The following PHACTR2 variants were observed in gnomAD, a reference collection of about 807,000 sequenced individuals.
The protein encoded by PHACTR2 is phosphatase and actin regulator 2.
Under a neutral mutation model 76.0 loss-of-function variants are expected in PHACTR2, and 30 were observed. The ratio of observed to expected loss-of-function variants is 0.39; its 90% CI spans 0.30 to 0.54. The LOEUF is 0.54. PHACTR2 is among the 20% of genes least tolerant of loss of function. The pLI, the probability that PHACTR2 is intolerant of heterozygous loss-of-function variation, is 0.61. For synonymous variants in PHACTR2, 292 were observed against 292.5 expected (o/e 1.00, Z 0.02); for missense variants, 696 against 781.1 (o/e 0.89, Z 1.30).
Position 143,678,226 on chromosome 6 carries a change from C to A in PHACTR2, c.46+17C>A, listed in dbSNP as rs1458164397. Reference sequence around the variant, plus strand: ...CCGGCAGCGGTGAGTCCGGGGCGCACGCGATGCGCTCCCGCCGCGCGGGCG... The same window carrying A: ...CCGGCAGCGGTGAGTCCGGGGCGCAAGCGATGCGCTCCCGCCGCGCGGGCG... On this transcript the variant is annotated intron_variant, in intron 1 of 12. Coordinates refer to ENST00000440869, the MANE Select transcript of PHACTR2 (RefSeq NM_001100164.2). This position sits in a 1 kb window ranked among gnomAD's most constrained non-coding sequence, Gnocchi z 6.2. The A allele has an allele frequency of 6.7e-6, 10 of 1,490,072 alleles. No individual in the cohort carries two copies. Among genetic ancestry groups the A allele is most frequent in the Admixed American group, 4.8e-5 (2 of 41,960 alleles). 92.3% of individuals were successfully genotyped at this position (1,490,072 alleles called of 1,614,324 possible).
chr6:143,670,389 G>T (rs1202202555), intron 1 of PHACTR2, among the ~76,000 whole-genome samples: 1 of 152,202 alleles, frequency 6.6e-6, no homozygotes, highest in African/African-American at 2.4e-5. Flanking sequence ...ATGTTGGCGT[G>T]TCTTGTTAGG....
intron 1 of PHACTR2, among the ~76,000 whole-genome samples, chr6:143,666,745 T>C (rs1362425250): frequency 6.6e-6 from 1 of 152,230 alleles, no homozygotes. Flanking sequence ...TCTTGTAAAT[T>C]TGTTTAAGAT....
rs1781129513 is a variant in PHACTR2 at position 143,537,549 on chromosome 6, G to A, written c.217+342G>A. On this transcript the variant is annotated intron_variant, in intron 1 of 11. Transcript: ENST00000367584. This position sits in a 1 kb window ranked among gnomAD's most constrained non-coding sequence, Gnocchi z 4.4. ...GCTTCCGAGGCTTTTCCATCAGAAA[G>A]AGGAACATTCTCGGTCTTCGGCGCG... Among the ~76,000 whole-genome samples the A allele has an allele frequency of 6.6e-6, 1 of 152,186 alleles. No individual in the cohort carries two copies. The highest frequency in any genetic ancestry group is 6.5e-5 in the Admixed American group (1 of 15,290).
At chr6:143,732,891 G>GATTT (rs1157093067) in intron 2 of PHACTR2, among the ~76,000 whole-genome samples, 1 of 151,794 alleles carries the variant, frequency 6.6e-6, no homozygotes, top group East Asian at 1.9e-4. Flanking sequence ...TTTCTTTTCT[G>GATTT]ATTTATTTAT....
intron 1 of PHACTR2, among the ~76,000 whole-genome samples, chr6:143,563,331 G>A (rs28479556): frequency 0.24 from 36,656 of 151,568 alleles, 4,562 homozygotes; most frequent in South Asian, 0.39. Context: ...TTGAGAGGCC[G>A]AGGTGGGTGG....
In PHACTR2 at chr6:143,774,876, A is replaced by T. The variant is rs976196791; in HGVS notation, c.1589+661A>T. On this transcript the variant is annotated intron_variant, in intron 8 of 12. Transcript: ENST00000440869. The surrounding 1 kb of genome is among the most constrained non-coding windows in gnomAD (Gnocchi z 5.4). Reference sequence around the variant, plus strand: ...TTTTGCTTTTGCCACTGGTGACTTTACAAGTCCCTTTAACTGGCAGTTTTA... The same window carrying T: ...TTTTGCTTTTGCCACTGGTGACTTTTCAAGTCCCTTTAACTGGCAGTTTTA... Among the ~76,000 whole-genome samples the T allele has an allele frequency of 1.3e-5, 2 of 152,202 alleles. No individual in the cohort carries two copies. The highest frequency in any genetic ancestry group is 1.5e-5 in the Non-Finnish European group (1 of 68,038).
chr6:143,562,698 C>T lies in PHACTR2; in HGVS notation c.217+25491C>T, dbSNP rs1467150218. Among the ~76,000 whole-genome samples the T allele has an allele frequency of 2.0e-5, 3 of 152,084 alleles. No homozygotes were observed. The highest frequency in any genetic ancestry group is 7.2e-5 in the African/African-American group (3 of 41,386). On this transcript the variant is annotated intron_variant, in intron 1 of 11. Transcript: ENST00000367584. This position sits in a 1 kb window ranked among gnomAD's most constrained non-coding sequence, Gnocchi z 5.1. Reference sequence around the variant, plus strand: ...ACTCTCATTGTGAAAGAAAAAAGCACATTAAAGAACATATCTAAGGCATTG... The same window carrying T: ...ACTCTCATTGTGAAAGAAAAAAGCATATTAAAGAACATATCTAAGGCATTG...
intron 2 of PHACTR2, among the ~76,000 whole-genome samples, chr6:143,723,043 T>G (rs1045502943): frequency 5.3e-5 from 8 of 152,224 alleles, no homozygotes; most frequent in African/African-American, 1.9e-4. Context: ...GACACTTAGG[T>G]TGATTCTATG....
intron 2 of PHACTR2, among the ~76,000 whole-genome samples, chr6:143,720,594 G>A (rs550637318): frequency 6.5e-4 from 99 of 152,196 alleles, no homozygotes; most frequent in African/African-American, 2.0e-3. Context: ...TCACATTCAC[G>A]AACCTCATGG....
chr6:143,642,816 C>T (rs1306863614), intron 1 of PHACTR2, among the ~76,000 whole-genome samples: 1 of 152,186 alleles, frequency 6.6e-6, no homozygotes, highest in Non-Finnish European at 1.5e-5. Context: ...GGAACAGATT[C>T]TCCCTCACAG....
intron 9 of PHACTR2, among the ~76,000 whole-genome samples, chr6:143,779,943 T>C (rs944213191): frequency 1.1e-4 from 16 of 139,684 alleles, no homozygotes; most frequent in African/African-American, 3.9e-4. Context: ...TATTATATTA[T>C]ATTATATTTA....
chr6:143,748,817 A>G (rs1315241460), intron 2 of PHACTR2, 168 bp from the exon 3 acceptor site: 10 of 501,570 alleles, frequency 2.0e-5, no homozygotes, highest in African/African-American at 1.8e-4. Context: ...TGCTCTTGTC[A>G]TAGCTGTGTT....
rs1007493526 is a variant in PHACTR2 at position 143,624,150 on chromosome 6, A to G, written c.13+15828A>G. On this transcript the variant is annotated intron_variant, in intron 1 of 11. Coordinates refer to the PHACTR2 transcript ENST00000305766. The surrounding 1 kb of genome is among the most constrained non-coding windows in gnomAD (Gnocchi z 4.6). ...TTTAGACAGTATTGCTCTTTTGCCC[A>G]GGCTGGAGTGCAGTGGCCCAATCTC... Among the ~76,000 whole-genome samples, 1 of 152,018 alleles carries G rather than the reference A, an allele frequency of 6.6e-6. No individual in the cohort carries two copies.
intron 2 of PHACTR2, among the ~76,000 whole-genome samples, chr6:143,718,522 G>C (rs1582806413): frequency 6.6e-6 from 1 of 152,206 alleles, no homozygotes; most frequent in Non-Finnish European, 1.5e-5. Flanking sequence ...ATCACTGAAA[G>C]GTGGCTCTAA....
At chr6:143,577,891 A>G (rs929472086) in intron 1 of PHACTR2, among the ~76,000 whole-genome samples, 6 of 152,224 alleles carry the variant, frequency 3.9e-5, no homozygotes, top group Non-Finnish European at 8.8e-5. Context: ...AAACCAAGGG[A>G]AAGCGAGAGG....
intron 1 of PHACTR2, among the ~76,000 whole-genome samples, chr6:143,538,775 A>G (rs1781143179): frequency 6.6e-6 from 1 of 152,258 alleles, no homozygotes; most frequent in Non-Finnish European, 1.5e-5. Context: ...GTGTACTTGA[A>G]AAACCTCAAA....
At chr6:143,604,321 A>G (rs1775843739), upstream of PHACTR2, among the ~76,000 whole-genome samples, 1 of 152,176 alleles carries the variant, frequency 6.6e-6, no homozygotes, top group Admixed American at 6.5e-5. Context: ...TTACTTCTCC[A>G]TCCTGAGAAA....
At chr6:143,673,543 A>G (rs1378754769), upstream of PHACTR2, among the ~76,000 whole-genome samples, 1 of 152,170 alleles carries the variant, frequency 6.6e-6, no homozygotes, top group African/African-American at 2.4e-5. Context: ...GATGTCTTTA[A>G]GGACTGTTCT....
At position 143,725,195 on chromosome 6, in the gene PHACTR2, TGTC is replaced by T. The variant is rs1389408518; in HGVS notation, c.214+13013_214+13015del. 1.3e-3 allele frequency among the ~76,000 whole-genome samples: 181 copies of T among 139,724 alleles called. 1 individual carries two copies. The highest frequency in any genetic ancestry group is 1.9e-3 in the Admixed American group (26 of 13,522). The allele number at this position is 139,724 out of a possible 152,430, so 91.7% of individuals were successfully genotyped here. The stretch of plus-strand genomic sequence containing the variant: ...GTCACTCCCCAAATCTCCTTTGTGC[TGTC>T]TTTTTTTTTTTTTTTTTTTTTTTTT... On this transcript the variant is annotated intron_variant, in intron 2 of 12. Coordinates refer to ENST00000440869, the MANE Select transcript of PHACTR2 (RefSeq NM_001100164.2).
Sources: gnomAD v4.1 joint callset for allele counts (sites outside exome capture counted in the v4.1 genomes callset) on GRCh38, gnomAD v4.1.1 for gene constraint, Gnocchi (gnomAD v3.1) non-coding constraint, MANE v1.5 for transcripts, NCBI Gene and HGNC (gene_info 2026-07-23, HGNC 2026-07-21) for gene names.